DPP6: variants seen among roughly 807,000 people sequenced by gnomAD.
DPP6 encodes A-type potassium channel modulatory protein DPP6.
In DPP6, 69 loss-of-function variants were observed where a neutral mutation model predicts 122.6. The observed-to-expected ratio is 0.56, with a 90% confidence interval of 0.46 to 0.69. The LOEUF is 0.69. Ranked by LOEUF, DPP6 falls within the 30% of genes least tolerant of loss-of-function variation. The pLI, the probability that DPP6 is intolerant of heterozygous loss-of-function variation, is 0.00. For missense variants in DPP6, 928 were observed against 1,116.9 expected (o/e 0.83, Z 2.41); for synonymous variants, 418 against 433.1 (o/e 0.97, Z 0.43).
chr7:154,670,940 T>C (rs1307090675), intron 7 of DPP6, among the ~76,000 whole-genome samples: 2 of 151,958 alleles, frequency 1.3e-5, no homozygotes, highest in African/African-American at 2.4e-5. Context: ...ATAACAGAGG[T>C]TTTGAAAAGC....
In DPP6 at chr7:154,124,257, T is replaced by C. The variant is rs572199220; in HGVS notation, c.243+71194T>C. ...AGTGATGAGCTGGGAGAAAATGATC[T>C]GTGACAGAGCTGGTAGTTAAGGAAG... On this transcript the variant is annotated intron_variant, in intron 1 of 25. Coordinates refer to ENST00000377770, the MANE Select transcript of DPP6 (RefSeq NM_130797.4). Among the ~76,000 whole-genome samples, 5 of 152,352 alleles carry C rather than the reference T, an allele frequency of 3.3e-5. No homozygotes were observed. The South Asian group carries it at 1.0e-3, about 32-fold the overall frequency.
the DPP6 span, among the ~76,000 whole-genome samples, chr7:153,812,105 C>A: frequency 3.3e-5 from 5 of 152,220 alleles, no homozygotes. Context: ...ACTTTTTTCT[C>A]CTCTTTCATC....
chr7:153,812,613 A>C, the DPP6 span, among the ~76,000 whole-genome samples: 1 of 152,200 alleles, frequency 6.6e-6, no homozygotes, highest in Non-Finnish European at 1.5e-5. Flanking sequence ...AGAATGAATG[A>C]GTCAAAGCTC....
At chr7:154,817,083 A>C (rs6957712) in intron 16 of DPP6, among the ~76,000 whole-genome samples, 121,095 of 152,114 alleles carry the variant, frequency 0.8, 48,395 homozygotes, top group Non-Finnish European at 0.84. Context: ...TCTCGCTGCA[A>C]AACATAATTA....
intron 3 of DPP6, among the ~76,000 whole-genome samples, chr7:154,491,185 T>A (rs950951869): frequency 1.3e-5 from 2 of 152,208 alleles, no homozygotes; most frequent in African/African-American, 4.8e-5. Context: ...GTACTTATGT[T>A]CCTCAATAAA....
intron 1 of DPP6, among the ~76,000 whole-genome samples, chr7:153,896,267 C>T (rs1360462746): frequency 6.6e-6 from 1 of 152,158 alleles, no homozygotes; most frequent in Non-Finnish European, 1.5e-5. Context: ...CTTGAGCAAA[C>T]TGGACTAACA....
intron 1 of DPP6, among the ~76,000 whole-genome samples, chr7:153,935,507 C>T (rs913942470): frequency 5.3e-5 from 8 of 152,296 alleles, no homozygotes; most frequent in Admixed American, 1.3e-4. Flanking sequence ...GTCTCCCTGC[C>T]GTCCGAGGCC....
At chr7:153,811,067 C>G in the DPP6 span, among the ~76,000 whole-genome samples, 3 of 151,870 alleles carry the variant, frequency 2.0e-5, no homozygotes, top group Non-Finnish European at 4.4e-5. Flanking sequence ...GCTGCTGACC[C>G]TCTGGTGAGA....
chr7:154,574,423 ATGTGTGGTGTGTGTGTATG>A (rs1831340848), intron 5 of DPP6, among the ~76,000 whole-genome samples: 1 of 88,496 alleles, frequency 1.1e-5, no homozygotes, highest in Admixed American at 1.2e-4. Context: ...TGGTGTGTAT[ATGTGTGGTGTGTGTGTATG>A]TGTGTGGTGT....
chr7:154,380,175 A>T (rs761011774), intron 1 of DPP6, among the ~76,000 whole-genome samples: 1 of 152,204 alleles, frequency 6.6e-6, no homozygotes, highest in Non-Finnish European at 1.5e-5. Flanking sequence ...AAAATTGGGG[A>T]ATTTGAATTG....
At chr7:154,181,064 C>T (rs137923529) in intron 1 of DPP6, among the ~76,000 whole-genome samples, 6 of 152,230 alleles carry the variant, frequency 3.9e-5, no homozygotes, top group East Asian at 1.9e-4. Flanking sequence ...GCTTAACTTG[C>T]GACTTCTCTT....
At chr7:154,194,638 C>A (rs1025612997) in intron 1 of DPP6, among the ~76,000 whole-genome samples, 1 of 152,320 alleles carries the variant, frequency 6.6e-6, no homozygotes, top group African/African-American at 2.4e-5. Flanking sequence ...AGGATGAATT[C>A]TTTCGTTGTC....
chr7:154,575,656 GGT>G (rs1264404576), intron 5 of DPP6, among the ~76,000 whole-genome samples: 8 of 139,470 alleles, frequency 5.7e-5, no homozygotes, highest in Non-Finnish European at 1.2e-4. Context: ...GTTTTTGTGT[GGT>G]GTGTGTGTAT....
In DPP6 at chr7:153,928,395, CATTTTT is replaced by C. The variant is rs1344127654; in HGVS notation, c.51+40662_51+40667del. Reference sequence around the variant, plus strand: ...CCTGGCTAATTTTTTTCTTTTCTTTCATTTTTTTTTTTTTTTTTTTTTTTTTGGTAG... The same window carrying C: ...CCTGGCTAATTTTTTTCTTTTCTTTCTTTTTTTTTTTTTTTTTTTTGGTAG... On this transcript the variant is annotated intron_variant, in intron 1 of 25. Coordinates refer to the DPP6 transcript ENST00000404039. Among the ~76,000 whole-genome samples the C allele has an allele frequency of 8.4e-3, 252 of 29,998 alleles. 5 individuals carry two copies. Among genetic ancestry groups the C allele is most frequent in the African/African-American group, 0.031 (234 of 7,500 alleles). 19.7% of individuals were successfully genotyped at this position (29,998 alleles called of 152,430 possible). A position where few individuals can be genotyped will look rare whatever the true frequency, so the allele number is the denominator to read the frequency against.
intron 1 of DPP6, among the ~76,000 whole-genome samples, chr7:154,237,476 A>G (rs934056947): frequency 1.5e-4 from 23 of 152,276 alleles, no homozygotes; most frequent in East Asian, 1.4e-3. Flanking sequence ...CTGGGCCCCA[A>G]TGAGCTTAGA....
rs956155008 is a variant in DPP6 at position 154,309,863 on chromosome 7, C to T, written c.244-136351C>T. 3.9e-5 allele frequency among the ~76,000 whole-genome samples: 6 copies of T among 152,282 alleles called. No homozygotes were observed. The East Asian group carries it at 5.8e-4, about 15-fold the overall frequency. ...GTTGGTGGCCCTTTCACAGTTCACA[C>T]GGACATTGGATGTAGCAGCCATGCT... On this transcript the variant is annotated intron_variant, in intron 1 of 25. Coordinates refer to ENST00000377770, the MANE Select transcript of DPP6 (RefSeq NM_130797.4).
chr7:154,747,208 T>C lies in DPP6; in HGVS notation c.883+19321T>C, dbSNP rs181838759. ...CCACAGTGTTTCATTGAAGAGCTGG[T>C]TTTTAATTGGCCCTGTACCACTTAA... On this transcript the variant is annotated intron_variant, in intron 8 of 25. Transcript: ENST00000377770. Among the ~76,000 whole-genome samples, 44 of 152,318 alleles carry C rather than the reference T, an allele frequency of 2.9e-4. 1 individual carries two copies. The highest frequency in any genetic ancestry group is 2.5e-3 in the Admixed American group (39 of 15,304).
chr7:154,678,595 C>G (rs970357132), intron 7 of DPP6, among the ~76,000 whole-genome samples: 33 of 152,214 alleles, frequency 2.2e-4, no homozygotes, highest in African/African-American at 5.8e-4. Context: ...CTAACACTCA[C>G]CGCGAGGGTC....
At chr7:153,930,256 C>T (rs182246576) in intron 1 of DPP6, among the ~76,000 whole-genome samples, 1 of 152,282 alleles carries the variant, frequency 6.6e-6, no homozygotes, top group East Asian at 1.9e-4. Flanking sequence ...AGCTAATTAT[C>T]AGCTCAATCC....
Sources: gnomAD v4.1 joint callset for allele counts (sites outside exome capture counted in the v4.1 genomes callset) on GRCh38, gnomAD v4.1.1 for gene constraint, MANE v1.5 for transcripts, NCBI Gene and HGNC (gene_info 2026-07-23, HGNC 2026-07-21) for gene names.